The following COL14A1 variants were observed in gnomAD, a reference collection of about 807,000 sequenced individuals.
COL14A1 encodes collagen alpha-1(XIV) chain.
Under a neutral mutation model 230.3 loss-of-function variants are expected in COL14A1, and 136 were observed. That is an observed-to-expected ratio of 0.59 (90% confidence interval 0.51 to 0.68). COL14A1 has a LOEUF of 0.68. Among genes scored for constraint, COL14A1 ranks in the 30% least tolerant of loss-of-function variants. The pLI, the probability that COL14A1 is intolerant of heterozygous loss-of-function variation, is 0.00. For missense variants in COL14A1, 1,976 were observed against 2,215.8 expected (o/e 0.89, Z 2.17); for synonymous variants, 792 against 784.1 (o/e 1.01, Z -0.17).
At chr8:120,136,702 G>A (rs1036970506) in intron 1 of COL14A1, among the ~76,000 whole-genome samples, 29 of 151,946 alleles carry the variant, frequency 1.9e-4, no homozygotes, top group Non-Finnish European at 3.5e-4. Context: ...GGTGGCTCAT[G>A]CCTGTAATCC....
intron 5 of COL14A1, among the ~76,000 whole-genome samples, chr8:120,189,713 C>T (rs1335135275): frequency 1.5e-5 from 2 of 137,548 alleles, no homozygotes; most frequent in African/African-American, 5.1e-5. Context: ...CAGTTCCCAC[C>T]TATGAGTGAG....
chr8:120,298,420 A>G (rs1006447002), intron 35 of COL14A1, among the ~76,000 whole-genome samples: 6 of 151,394 alleles, frequency 4.0e-5, no homozygotes, highest in African/African-American at 1.5e-4. Flanking sequence ...TGCTACTAGA[A>G]AACTAAACAT....
At chr8:120,312,095 T>A (rs1232102007) in intron 37 of COL14A1, among the ~76,000 whole-genome samples, 1 of 151,966 alleles carries the variant, frequency 6.6e-6, no homozygotes, top group Non-Finnish European at 1.5e-5. Flanking sequence ...CAAGACTCCA[T>A]CTCAAATAAA....
At position 120,280,990 on chromosome 8, in the gene COL14A1, AG is replaced by A; in HGVS notation, c.3756del (p.Glu1252AspfsTer58). On this transcript the variant is annotated frameshift_variant, in exon 31 of 48. Coordinates refer to ENST00000297848, the MANE Select transcript of COL14A1 (RefSeq NM_021110.4). LOFTEE classifies it high-confidence loss of function. ...DFSSVEGVSM[E>X]PGTFNVFPCY... ...TCATCAGTGGAAGGGGTTTCTATGG[AG>A]CCTGGTACCTTCAATGTGTTTCCAT... 6.2e-7 allele frequency: 1 copy of A among 1,612,296 alleles called. No individual in the cohort carries two copies. Among genetic ancestry groups the A allele is most frequent in the Non-Finnish European group, 8.5e-7 (1 of 1,179,380 alleles).
intron 19 of COL14A1, among the ~76,000 whole-genome samples, chr8:120,239,994 T>A (rs1001807744): frequency 1.3e-5 from 2 of 152,006 alleles, no homozygotes; most frequent in African/African-American, 2.4e-5. Context: ...TTACTTTGGG[T>A]TGTCTCTAGA....
intron 22 of COL14A1, among the ~76,000 whole-genome samples, chr8:120,253,429 C>T (rs1194949513): frequency 1.3e-5 from 2 of 152,126 alleles, no homozygotes; most frequent in Non-Finnish European, 2.9e-5. Context: ...ATATATTGAG[C>T]ATTCCAAACA....
At chr8:120,238,202 C>T (rs1311085216) in intron 19 of COL14A1, among the ~76,000 whole-genome samples, 1 of 152,162 alleles carries the variant, frequency 6.6e-6, no homozygotes, top group Non-Finnish European at 1.5e-5. Flanking sequence ...TGAAGCTGCG[C>T]CCACAGCCAC....
intron 42 of COL14A1, among the ~76,000 whole-genome samples, chr8:120,337,884 G>A (rs750727613): frequency 3.2e-4 from 49 of 152,334 alleles, no homozygotes; most frequent in Admixed American, 7.2e-4. Flanking sequence ...TTGCCATAGA[G>A]ATATTTCATT....
chr8:120,165,078 T>G (rs1174211729), intron 4 of COL14A1, among the ~76,000 whole-genome samples: 1 of 152,238 alleles, frequency 6.6e-6, no homozygotes, highest in Non-Finnish European at 1.5e-5. Flanking sequence ...CGTGTATGTT[T>G]TTAGCTGTGT....
At chr8:120,132,550 G>A (rs1814564926) in intron 1 of COL14A1, among the ~76,000 whole-genome samples, 1 of 118,252 alleles carries the variant, frequency 8.5e-6, no homozygotes, top group South Asian at 2.8e-4. Flanking sequence ...GCTCTTTTTT[G>A]GTTTTGTTTA....
At chr8:120,249,836 G>C (rs1818885007) in intron 21 of COL14A1, among the ~76,000 whole-genome samples, 1 of 152,202 alleles carries the variant, frequency 6.6e-6, no homozygotes, top group Admixed American at 6.5e-5. Flanking sequence ...TGGGAAAATT[G>C]CTACTGAGGT....
intron 34 of COL14A1, among the ~76,000 whole-genome samples, chr8:120,291,434 A>G (rs1428351939): frequency 1.3e-5 from 2 of 151,504 alleles, no homozygotes; most frequent in Non-Finnish European, 2.9e-5. Flanking sequence ...GGTGGCACGC[A>G]CCTGTAGCCC....
intron 2 of COL14A1, among the ~76,000 whole-genome samples, chr8:120,156,078 G>C (rs1254145094): frequency 2.0e-5 from 3 of 151,988 alleles, no homozygotes; most frequent in African/African-American, 7.2e-5. Flanking sequence ...GTCTTTCAGT[G>C]CTTACTGATT....
At chr8:120,203,119 T>G (rs902558366) in intron 8 of COL14A1, among the ~76,000 whole-genome samples, 3 of 151,486 alleles carry the variant, frequency 2.0e-5, no homozygotes, top group Non-Finnish European at 4.4e-5. Flanking sequence ...TTACTATTGC[T>G]TCTGCAATAT....
chr8:120,264,900 C>T (rs142678090), intron 24 of COL14A1, among the ~76,000 whole-genome samples: 1 of 152,288 alleles, frequency 6.6e-6, no homozygotes, highest in East Asian at 1.9e-4. Flanking sequence ...ACTTTAGCTT[C>T]TCCTATCCTT....
intron 19 of COL14A1, among the ~76,000 whole-genome samples, chr8:120,240,623 C>T (rs1474659736): frequency 1.3e-5 from 2 of 152,126 alleles, no homozygotes; most frequent in Non-Finnish European, 2.9e-5. Flanking sequence ...ACTCTCAAGG[C>T]TGATTAAATT....
At chr8:120,247,011 C>T (rs949045993) in intron 20 of COL14A1, among the ~76,000 whole-genome samples, 2 of 152,174 alleles carry the variant, frequency 1.3e-5, no homozygotes, top group African/African-American at 4.8e-5. Context: ...TTCTAATAAA[C>T]ACGATTGAAT....
intron 16 of COL14A1, among the ~76,000 whole-genome samples, 181 bp downstream of exon 16, chr8:120,226,947 C>T (rs1444093848): frequency 6.6e-6 from 1 of 152,030 alleles, no homozygotes; most frequent in African/African-American, 2.4e-5. Context: ...TGTATTGTTG[C>T]CAGAGCTTTA....
intron 42 of COL14A1, among the ~76,000 whole-genome samples, chr8:120,339,380 A>G (rs989152313): frequency 2.0e-5 from 3 of 152,336 alleles, no homozygotes; most frequent in East Asian, 1.9e-4. Context: ...GCCACACTAC[A>G]TCCTCAGAAG....
Sources: gnomAD v4.1 joint callset for allele counts (sites outside exome capture counted in the v4.1 genomes callset) on GRCh38, gnomAD v4.1.1 for gene constraint, MANE v1.5 for transcripts, NCBI Gene and HGNC (gene_info 2026-07-23, HGNC 2026-07-21) for gene names.